CEP85L: variants seen among roughly 807,000 people sequenced by gnomAD.
The protein encoded by CEP85L is centrosomal protein 85L.
Under a neutral mutation model 100.3 loss-of-function variants are expected in CEP85L, and 60 were observed. That is an observed-to-expected ratio of 0.60 (90% confidence interval 0.49 to 0.74). CEP85L has a LOEUF of 0.74. Ranked by LOEUF, CEP85L falls within the 30% of genes least tolerant of loss-of-function variation. The probability of loss-of-function intolerance (pLI) is 0.00; values close to 1 mark genes in which losing one functional copy is unlikely to be tolerated. For missense variants in CEP85L, 973 were observed against 936.2 expected, an observed-to-expected ratio of 1.04 and a Z score of -0.51; for synonymous variants, 319 against 322.7, an observed-to-expected ratio of 0.99 and a Z score of 0.12.
At chr6:118,665,705 T>G (rs1340792318) in intron 1 of CEP85L, among the ~76,000 whole-genome samples, 1 of 152,182 alleles carries the variant, frequency 6.6e-6, no homozygotes, top group Non-Finnish European at 1.5e-5. Context: ...CAGCTTATAA[T>G]TCAAATGCCA....
Position 118,463,129 on chromosome 6 carries a change from A to G in CEP85L, c.*2276T>C, listed in dbSNP as rs1361607869. 1 of 151,972 alleles carries G rather than the reference A, an allele frequency of 6.6e-6. No individual in the cohort carries two copies. The highest frequency in any genetic ancestry group is 2.4e-5 in the African/African-American group (1 of 41,428). 9.4% of individuals were successfully genotyped at this position (151,972 alleles called of 1,614,324 possible). A position where few individuals can be genotyped will look rare whatever the true frequency, so the allele number is the denominator to read the frequency against. ...TGGAATTTTATTTTTAAGATACGTG[A>G]ATTAAATTACTTTCTCTAAGTTTTA... is the stretch of plus-strand genomic sequence containing the variant. On this transcript the variant is annotated 3_prime_UTR_variant, in exon 13 of 13. Coordinates refer to ENST00000368491, the MANE Select transcript of CEP85L (RefSeq NM_001042475.3).
At chr6:118,597,855 G>A (rs1003998895) in intron 2 of CEP85L, among the ~76,000 whole-genome samples, 2 of 152,194 alleles carry the variant, frequency 1.3e-5, no homozygotes, top group African/African-American at 4.8e-5. Flanking sequence ...GAGAACAGGA[G>A]AGAGTTATTT....
chr6:118,523,920 C>T lies in CEP85L; in HGVS notation c.1021G>A (p.Val341Ile). The part of the protein sequence containing the change: ...FRQGSETPMQ[V>I]LTGSSRQSYS... ...CTTTGACGAGATGATCCAGTCAAAACCTGCAGAAACATGTTTACACAATTA... is the reference window on the plus strand; with the variant it reads ...CTTTGACGAGATGATCCAGTCAAAATCTGCAGAAACATGTTTACACAATTA... Residue 341 changes from valine (V) to isoleucine (I), a missense_variant and splice_region_variant, in exon 4 of 13, where the codon GTT becomes ATT. By Grantham distance (29) the Val-to-Ile change is conservative. This residue lies in a region of CEP85L where 890 missense variants were observed against 844.5 expected (regional missense o/e 1.05). Transcript: ENST00000368491. 6.9e-7 allele frequency: 1 copy of T among 1,455,764 alleles called. No individual in the cohort carries two copies. Among genetic ancestry groups the T allele is most frequent in the Non-Finnish European group, 9.6e-7 (1 of 1,041,856 alleles). The allele number at this position is 1,455,764 out of a possible 1,614,324, so 90.2% of individuals were successfully genotyped here.
At chr6:118,476,357 C>T (rs562775009) in intron 10 of CEP85L, among the ~76,000 whole-genome samples, 27 of 151,434 alleles carry the variant, frequency 1.8e-4, no homozygotes, top group African/African-American at 4.8e-4. Flanking sequence ...GTATTAACTT[C>T]TGATAAGAAT....
At chr6:118,629,595 C>G (rs1774012119) in intron 2 of CEP85L, among the ~76,000 whole-genome samples, 1 of 152,212 alleles carries the variant, frequency 6.6e-6, no homozygotes, top group Non-Finnish European at 1.5e-5. Flanking sequence ...GGTACAGCCT[C>G]TTTGGAAGAC....
intron 2 of CEP85L, among the ~76,000 whole-genome samples, chr6:118,584,150 C>T (rs1002758917): frequency 6.6e-6 from 1 of 152,168 alleles, no homozygotes; most frequent in African/African-American, 2.4e-5. Flanking sequence ...TGATATTCTG[C>T]TATGTGCCCC....
intron 1 of CEP85L, among the ~76,000 whole-genome samples, chr6:118,679,389 T>A (rs905023446): frequency 6.6e-6 from 1 of 152,230 alleles, no homozygotes; most frequent in African/African-American, 2.4e-5. Context: ...ATGTGCAGAA[T>A]GAACTAAAAG....
At chr6:118,706,912 A>G (rs1777609632) in intron 1 of CEP85L, among the ~76,000 whole-genome samples, 1 of 152,026 alleles carries the variant, frequency 6.6e-6, no homozygotes, top group African/African-American at 2.4e-5. Flanking sequence ...TGTCCTCTTC[A>G]CTTCACTGCT....
intron 3 of CEP85L, among the ~76,000 whole-genome samples, chr6:118,550,744 C>T (rs554649988): frequency 6.6e-6 from 1 of 151,862 alleles, no homozygotes; most frequent in East Asian, 1.9e-4. Context: ...AATTTGAAAG[C>T]CCCCAAATAC....
intron 2 of CEP85L, among the ~76,000 whole-genome samples, chr6:118,619,666 GTC>G (rs143586111): frequency 2.0e-4 from 30 of 152,268 alleles, no homozygotes; most frequent in Admixed American, 6.5e-4. Context: ...CCATGTGCAT[GTC>G]TCTTTCTCAC....
chr6:118,538,127 G>T (rs1287792522), intron 3 of CEP85L: 1 of 197,306 alleles, frequency 5.1e-6, no homozygotes, highest in Non-Finnish European at 9.1e-6. Context: ...TATTTATGGA[G>T]TGCATTATTA....
chr6:118,491,293 T>G (rs550498582), intron 6 of CEP85L: 1 of 209,406 alleles, frequency 4.8e-6, no homozygotes, highest in South Asian at 1.4e-4. Context: ...AGCTTCTTAT[T>G]CTGAATCAGG....
At chr6:118,660,948 T>C (rs1775954046) in intron 1 of CEP85L, among the ~76,000 whole-genome samples, 1 of 152,034 alleles carries the variant, frequency 6.6e-6, no homozygotes, top group African/African-American at 2.4e-5. Flanking sequence ...TACAATGGCA[T>C]GATCTCGGCT....
At chr6:118,522,783 G>A (rs1171752909) in intron 4 of CEP85L, among the ~76,000 whole-genome samples, 1 of 151,876 alleles carries the variant, frequency 6.6e-6, no homozygotes, top group Middle Eastern at 3.4e-3. Flanking sequence ...GGAGGCTGAC[G>A]CACAAGAATC....
At position 118,475,356 on chromosome 6, in the gene CEP85L, T is replaced by A. The variant is rs902655151; in HGVS notation, c.1914+4515A>T. Among the ~76,000 whole-genome samples the A allele has an allele frequency of 3.7e-3, 538 of 146,450 alleles. 17 individuals carry two copies. Among genetic ancestry groups the A allele is most frequent in the African/African-American group, 0.013 (508 of 39,588 alleles). On this transcript the variant is annotated intron_variant, in intron 10 of 12. Transcript: ENST00000368491. ...GTGAATTGTAGGTGACATTTTTTTTTTTTTTTTTTTTTTTTTGAGACGAGT... is the reference window on the plus strand; with the variant it reads ...GTGAATTGTAGGTGACATTTTTTTTATTTTTTTTTTTTTTTTGAGACGAGT...
At chr6:118,688,731 A>G (rs960086262) in intron 1 of CEP85L, among the ~76,000 whole-genome samples, 11 of 151,962 alleles carry the variant, frequency 7.2e-5, no homozygotes, top group African/African-American at 2.7e-4. Context: ...CCTCCTTTCC[A>G]TTTCTTTGGC....
At chr6:118,652,394 T>G, upstream of CEP85L, 1 of 1,083,744 alleles carries the variant, frequency 9.2e-7, no homozygotes, top group South Asian at 2.6e-5. Context: ...GTTTTATTTT[T>G]AAATCTTACT....
chr6:118,528,345 C>T (rs1777096127), intron 3 of CEP85L, among the ~76,000 whole-genome samples: 1 of 151,952 alleles, frequency 6.6e-6, no homozygotes. Flanking sequence ...GCAGGATGGA[C>T]TGCTAAAGTA....
At chr6:118,524,188 C>T (rs564740997) in intron 3 of CEP85L, among the ~76,000 whole-genome samples, 2 of 152,114 alleles carry the variant, frequency 1.3e-5, no homozygotes, top group African/African-American at 2.4e-5. Context: ...TGGCCAGGCG[C>T]GGTGGCTCAC....
Sources: allele counts gnomAD v4.1 joint callset (sites outside exome capture counted in the v4.1 genomes callset), GRCh38; gene constraint gnomAD v4.1.1; regional missense constraint gnomAD v4.1.1; transcripts MANE v1.5; gene names NCBI Gene and HGNC (gene_info 2026-07-23, HGNC 2026-07-21).